The following TTLL5 variants were observed in gnomAD, a reference collection of about 807,000 sequenced individuals.
TTLL5 encodes tubulin polyglutamylase TTLL5.
TTLL5 carries 132 observed loss-of-function variants against 168.4 expected under a neutral mutation model. The ratio of observed to expected loss-of-function variants is 0.78; its 90% CI spans 0.68 to 0.91. The LOEUF (loss-of-function observed/expected upper bound fraction) is 0.91, where lower values mean the gene tolerates loss of function less well. Among genes scored for constraint, TTLL5 ranks in the 40% least tolerant of loss-of-function variants. TTLL5 has a pLI of 0.00. For synonymous variants in TTLL5, 546 were observed against 558.6 expected, an observed-to-expected ratio of 0.98 and a Z score of 0.32; for missense variants, 1,545 against 1,581.5, an observed-to-expected ratio of 0.98 and a Z score of 0.39.
Position 75,863,810 on chromosome 14 carries a change from A to C in TTLL5, c.3470A>C (p.Gln1157Pro), listed in dbSNP as rs747678923. The change falls in exon 29 of 32, where the codon CAA becomes CCA. Residue 1157 changes from glutamine (Q) to proline (P), a missense_variant. By Grantham distance (76) the Gln-to-Pro change is moderately conservative. Coordinates refer to ENST00000298832, the MANE Select transcript of TTLL5 (RefSeq NM_015072.5). ...QLQFALQQLE[Q>P]QKLQSRQLLD... ...CAATTTGCCCTGCAGCAACTTGAAC[A>C]ACAAAAACTTCAGTCCCGGCAGCTC... 1.2e-6 allele frequency: 2 copies of C among 1,611,066 alleles called. No individual in the cohort carries two copies. Among genetic ancestry groups the C allele is most frequent in the East Asian group, 2.2e-5 (1 of 44,634 alleles).
Position 75,902,086 on chromosome 14 carries a change from T to G in TTLL5, c.3741-56T>G. 4 of 1,512,716 alleles carry G rather than the reference T, an allele frequency of 2.6e-6. No individual in the cohort carries two copies. In the South Asian group the frequency reaches 3.4e-5, roughly 13 times the overall value. The allele number at this position is 1,512,716 out of a possible 1,614,324, so 93.7% of individuals were successfully genotyped here. On this transcript the variant is annotated intron_variant, in intron 30 of 31. Coordinates refer to ENST00000298832, the MANE Select transcript of TTLL5 (RefSeq NM_015072.5). The stretch of plus-strand genomic sequence containing the variant: ...CAAGAAGCGAAGCCATCAGAGGTCC[T>G]GCACCTGACCTCACCTTTCCGCCTG...
intron 21 of TTLL5, among the ~76,000 whole-genome samples, chr14:75,774,832 G>A (rs1595016351): frequency 6.6e-6 from 1 of 152,102 alleles, no homozygotes; most frequent in Admixed American, 6.6e-5. Flanking sequence ...GAGATTACAG[G>A]TGTGTGCCAC....
chr14:75,684,644 T>C (rs1342474784), intron 5 of TTLL5: 1 of 152,234 alleles, frequency 6.6e-6, no homozygotes, highest in Admixed American at 6.5e-5. Flanking sequence ...CATGTATATA[T>C]AAACAGTTAT....
At position 75,783,435 on chromosome 14, in the gene TTLL5, G is replaced by A. The variant is rs142169707; in HGVS notation, c.2891G>A (p.Arg964Gln). ...IPSPTGLPRC[R>Q]SGSHTIGPFS... ...AGCCCTACTGGCCTGCCACGCTGTC[G>A]ATCAGGAAGTCACACCATTGGTCCC... Residue 964 changes from arginine to glutamine, a missense_variant, in exon 26 of 32, where the codon CGA becomes CAA. Coordinates refer to ENST00000298832, the MANE Select transcript of TTLL5 (RefSeq NM_015072.5). The A allele has an allele frequency of 3.0e-3, 4,893 of 1,614,144 alleles. 9 individuals carry two copies. Among genetic ancestry groups the A allele is most frequent in the Non-Finnish European group, 3.4e-3 (3,997 of 1,180,018 alleles).
intron 6 of TTLL5, among the ~76,000 whole-genome samples, chr14:75,696,677 GAA>G (rs1240099128): frequency 6.6e-6 from 1 of 152,132 alleles, no homozygotes; most frequent in East Asian, 1.9e-4. Flanking sequence ...AGTCATCAGT[GAA>G]AAGACTCTTT....
At chr14:75,785,992 A>G (rs1291211280) in intron 26 of TTLL5, among the ~76,000 whole-genome samples, 2 of 152,204 alleles carry the variant, frequency 1.3e-5, no homozygotes, top group Admixed American at 6.5e-5. Context: ...AACACTAGTA[A>G]TAGCTATGTT....
chr14:75,720,574 A>AT, intron 11 of TTLL5, 22 bp from the exon 12 acceptor site: 1 of 1,576,534 alleles, frequency 6.3e-7, no homozygotes, highest in Non-Finnish European at 8.7e-7. Context: ...TGAGTCTGAA[A>AT]TTTAAAAATT....
At position 75,690,277 on chromosome 14, in the gene TTLL5, C is replaced by T; in HGVS notation, c.457C>T (p.Leu153Phe). ...HTHGFKAFHI[L>F]PQTFLLPAEY... is the part of the protein sequence containing the mutation. ...ACATGGATTCAAGGCTTTTCACATC[C>T]TCCCCCAGACCTTCCTCCTGCCAGC... Residue 153 changes from leucine (L) to phenylalanine (F), a missense_variant, in exon 6 of 32, where the codon CTC becomes TTC. Physicochemically the swap from Leu to Phe is conservative, Grantham distance 22. Transcript: ENST00000298832. The T allele has an allele frequency of 6.2e-7, 1 of 1,611,302 alleles. No individual in the cohort carries two copies. The highest frequency in any genetic ancestry group is 1.1e-5 in the South Asian group (1 of 90,388).
At chr14:75,668,938 C>T (rs1215934465) in intron 2 of TTLL5, among the ~76,000 whole-genome samples, 1 of 152,196 alleles carries the variant, frequency 6.6e-6, no homozygotes. Context: ...CTTCAGTCAA[C>T]CTCCTGCTGA....
At chr14:75,825,163 T>C (rs898224457) in intron 28 of TTLL5, among the ~76,000 whole-genome samples, 1 of 152,226 alleles carries the variant, frequency 6.6e-6, no homozygotes, top group African/African-American at 2.4e-5. Flanking sequence ...TACTTTTTAC[T>C]TTTTTGGTGT....
At chr14:75,907,030 A>G (rs1285741717) in intron 31 of TTLL5, among the ~76,000 whole-genome samples, 3 of 152,224 alleles carry the variant, frequency 2.0e-5, no homozygotes, top group Non-Finnish European at 4.4e-5. Context: ...GGAAAACATG[A>G]TATTTGAAGG....
At chr14:75,671,041 G>A (rs1406804373) in intron 3 of TTLL5, among the ~76,000 whole-genome samples, 1 of 151,950 alleles carries the variant, frequency 6.6e-6, no homozygotes, top group Non-Finnish European at 1.5e-5. Context: ...TTATATTTAG[G>A]GCTCAATAGT....
chr14:75,844,227 G>T (rs1896422779), intron 28 of TTLL5, among the ~76,000 whole-genome samples: 1 of 152,120 alleles, frequency 6.6e-6, no homozygotes, highest in Non-Finnish European at 1.5e-5. Flanking sequence ...ATTTTTGTAT[G>T]AGGTATGAGA....
chr14:75,706,085 T>G (rs1235928145), intron 7 of TTLL5, among the ~76,000 whole-genome samples: 1 of 152,212 alleles, frequency 6.6e-6, no homozygotes, highest in Non-Finnish European at 1.5e-5. Flanking sequence ...TCTACTGGGC[T>G]TGGTGCGTGC....
At chr14:75,941,234 A>C (rs984664073) in intron 31 of TTLL5, among the ~76,000 whole-genome samples, 1 of 152,162 alleles carries the variant, frequency 6.6e-6, no homozygotes, top group Non-Finnish European at 1.5e-5. Context: ...CCTTTGTGAC[A>C]ACCCAGGCAA....
intron 29 of TTLL5, among the ~76,000 whole-genome samples, chr14:75,873,369 C>T (rs551927737): frequency 2.7e-4 from 41 of 152,308 alleles, no homozygotes; most frequent in African/African-American, 8.9e-4. Context: ...CCACCACGCC[C>T]GGCCCTCCAG....
At chr14:75,811,488 C>A (rs913729925) in intron 27 of TTLL5, among the ~76,000 whole-genome samples, 2 of 152,058 alleles carry the variant, frequency 1.3e-5, no homozygotes, top group East Asian at 1.9e-4. Flanking sequence ...TTTTTAATTT[C>A]TTTAGCTGTT....
At chr14:75,844,141 A>G (rs1896414906) in intron 28 of TTLL5, among the ~76,000 whole-genome samples, 1 of 152,052 alleles carries the variant, frequency 6.6e-6, no homozygotes, top group Non-Finnish European at 1.5e-5. Context: ...TCAGCCTCCC[A>G]AAGTGCTGGG....
intron 31 of TTLL5, among the ~76,000 whole-genome samples, chr14:75,927,510 CAT>C (rs975409658): frequency 2.5e-4 from 38 of 152,192 alleles, no homozygotes; most frequent in African/African-American, 8.9e-4. Flanking sequence ...AGCCCTTCAA[CAT>C]AAGCAAATTG....
Sources: gnomAD v4.1 joint callset for allele counts (sites outside exome capture counted in the v4.1 genomes callset) on GRCh38, gnomAD v4.1.1 for gene constraint, MANE v1.5 for transcripts, NCBI Gene and HGNC (gene_info 2026-07-23, HGNC 2026-07-21) for gene names.